FBXO42: variants seen among roughly 807,000 people sequenced by gnomAD.
FBXO42 encodes the protein F-box protein 42.
FBXO42 carries 12 observed loss-of-function variants against 71.7 expected under a neutral mutation model. That is an observed-to-expected ratio of 0.17 (90% CI 0.11 to 0.27). The LOEUF is 0.27. FBXO42 is among the 10% of genes least tolerant of loss of function. FBXO42 has a pLI of 1.00. For missense variants in FBXO42, 707 were observed against 911.9 expected (o/e 0.78, Z 2.89); for synonymous variants, 325 against 327.5 (o/e 0.99, Z 0.08).
intron 5 of FBXO42, 55 bp from the exon 6 acceptor site, chr1:16,255,876 A>C (rs916021769): frequency 7.9e-6 from 10 of 1,267,452 alleles, no homozygotes; most frequent in South Asian, 1.3e-5. Context: ...ACTTTATGTA[A>C]AAATAGTAAG....
intron 4 of FBXO42, among the ~76,000 whole-genome samples, chr1:16,258,081 A>G (rs2100438612): frequency 6.6e-6 from 1 of 152,220 alleles, no homozygotes; most frequent in South Asian, 2.1e-4. Context: ...TCCCAACACT[A>G]CATTAACCTG....
Position 16,251,275 on chromosome 1 carries a change from C to G in FBXO42, c.1549G>C (p.Gly517Arg), listed in dbSNP as rs537381863. Residue 517 changes from glycine (G) to arginine (R), a missense_variant, in exon 10 of 10, where the codon GGC becomes CGC. Physicochemically the swap from Gly to Arg is moderately radical, Grantham distance 125 (BLOSUM62 -2). This residue lies in a region of FBXO42 where 482 missense variants were observed against 587.1 expected (regional missense o/e 0.82). Transcript: ENST00000375592. The surrounding 1 kb of genome is among the most constrained non-coding windows in gnomAD (Gnocchi z 4.5). ...CCCCCAACTGTCCTATTGTCCATGCCATCCATGGGATTACTACTGGAAGCG... is the reference window on the plus strand; with the variant it reads ...CCCCCAACTGTCCTATTGTCCATGCGATCCATGGGATTACTACTGGAAGCG... ...KPASSSNPMD[G>R]MDNRTVGGSM... 6.2e-7 allele frequency: 1 copy of G among 1,614,190 alleles called. No individual in the cohort carries two copies. Among genetic ancestry groups the G allele is most frequent in the East Asian group, 2.2e-5 (1 of 44,878 alleles).
chr1:16,309,269 G>T lies in FBXO42; in HGVS notation c.251-3350C>A, dbSNP rs572010708. Among the ~76,000 whole-genome samples, 4 of 150,708 alleles carry T rather than the reference G, an allele frequency of 2.7e-5. No homozygotes were observed. The East Asian group carries it at 7.9e-4, about 30-fold the overall frequency. Reference sequence around the variant, plus strand: ...TCTTTTTGTATTTTTAGTAGAGATGGGGTTTCACCACGTTGGCCAGGATGG... The same window carrying T: ...TCTTTTTGTATTTTTAGTAGAGATGTGGTTTCACCACGTTGGCCAGGATGG... On this transcript the variant is annotated intron_variant, in intron 2 of 9. Transcript: ENST00000375592.
chr1:16,307,733 T>C (rs1257507564), intron 2 of FBXO42, among the ~76,000 whole-genome samples: 4 of 151,990 alleles, frequency 2.6e-5, no homozygotes, highest in Non-Finnish European at 5.9e-5. Context: ...TATAACAAAA[T>C]ACATACAAAA....
At chr1:16,350,103 A>C (rs1353047249) in intron 1 of FBXO42, among the ~76,000 whole-genome samples, 1 of 152,172 alleles carries the variant, frequency 6.6e-6, no homozygotes, top group East Asian at 1.9e-4. Context: ...GAAATCAGAC[A>C]AGAAGAAGCA....
chr1:16,316,276 C>G (rs1034198173), intron 1 of FBXO42, among the ~76,000 whole-genome samples: 6 of 151,968 alleles, frequency 3.9e-5, no homozygotes, highest in Admixed American at 2.6e-4. Flanking sequence ...AGAATACTTG[C>G]CAGCGGTGCC....
Position 16,256,632 on chromosome 1 carries a change from T to C in FBXO42, c.630A>G (p.Ile210Met). 1 of 1,614,186 alleles carries C rather than the reference T, an allele frequency of 6.2e-7. No individual in the cohort carries two copies. Among genetic ancestry groups the C allele is most frequent in the Non-Finnish European group, 8.5e-7 (1 of 1,180,008 alleles). The change falls in exon 5 of 10, where the codon ATA becomes ATG. Residue 210 changes from isoleucine to methionine, a missense_variant. By Grantham distance (10) the Ile-to-Met change is conservative (BLOSUM62 1). Transcript: ENST00000375592. ...AATTTTTAGAGGGTGAGTAAGTGTG[T>C]ATTTCATCAAAGAATCTCTCTGGCT... ...LHQPERFFDE[I>M]HTYSPSKNWW...
chr1:16,260,642 T>C (rs2081701485), intron 4 of FBXO42, among the ~76,000 whole-genome samples: 1 of 152,198 alleles, frequency 6.6e-6, no homozygotes, highest in Non-Finnish European at 1.5e-5. Context: ...TCCAAGGTCG[T>C]AGAACTAATA....
intron 4 of FBXO42, among the ~76,000 whole-genome samples, chr1:16,280,009 G>A (rs1205710997): frequency 6.6e-6 from 1 of 152,018 alleles, no homozygotes; most frequent in Non-Finnish European, 1.5e-5. Flanking sequence ...ACCACACCTA[G>A]CTAATTTTTG....
rs376146288 is a variant in FBXO42, at chr1:16,252,359, C to T, written c.967G>A (p.Ala323Thr). 1.2e-5 allele frequency: 19 copies of T among 1,614,106 alleles called. No individual in the cohort carries two copies. Among genetic ancestry groups the T allele is most frequent in the Non-Finnish European group, 1.5e-5 (18 of 1,180,018 alleles). Residue 323 changes from alanine (A) to threonine (T), a missense_variant, in exon 9 of 10, where the codon GCC becomes ACC. By Grantham distance (58) the Ala-to-Thr change is moderately conservative. Transcript: ENST00000375592. The surrounding 1 kb of genome is among the most constrained non-coding windows in gnomAD (Gnocchi z 4.4). ...TTTTCTACCTTGAGTGGCTGCCAGG[C>T]CCAAGGACCAGAATGCATGTGCAAC... ...WLLHMHSGPW[A>T]WQPLKVENEE...
chr1:16,298,480 C>T (rs1454475660), intron 3 of FBXO42, among the ~76,000 whole-genome samples: 1 of 152,054 alleles, frequency 6.6e-6, no homozygotes, highest in African/African-American at 2.4e-5. Flanking sequence ...TTCCAGACCT[C>T]CAGAAAAAGA....
chr1:16,348,153 C>T (rs2082669288), intron 1 of FBXO42, among the ~76,000 whole-genome samples: 1 of 152,138 alleles, frequency 6.6e-6, no homozygotes, highest in African/African-American at 2.4e-5. Context: ...AACACATCAC[C>T]TTCACTTTTC....
intron 2 of FBXO42, 119 bp downstream of exon 2, chr1:16,315,050 T>C: frequency 8.9e-7 from 1 of 1,122,938 alleles, no homozygotes; most frequent in South Asian, 1.7e-5. Context: ...TAGTATCGTC[T>C]AATGCTAGAT....
chr1:16,274,299 C>T (rs2081874867), intron 4 of FBXO42, among the ~76,000 whole-genome samples: 2 of 150,636 alleles, frequency 1.3e-5, no homozygotes, highest in Admixed American at 1.3e-4. Flanking sequence ...CAGAATGAAA[C>T]TTTGTCTCAA....
chr1:16,299,247 G>A (rs1294343559), intron 3 of FBXO42, among the ~76,000 whole-genome samples: 3 of 150,620 alleles, frequency 2.0e-5, no homozygotes, highest in Non-Finnish European at 4.4e-5. Context: ...TCCTGACCTC[G>A]TGATCCGCCC....
chr1:16,296,000 T>G (rs1240297316), intron 3 of FBXO42, among the ~76,000 whole-genome samples: 2 of 152,222 alleles, frequency 1.3e-5, no homozygotes, highest in Non-Finnish European at 2.9e-5. Context: ...TTTGATTAGA[T>G]GATTGTATAC....
Position 16,348,615 on chromosome 1 carries a change from C to T in FBXO42, c.-18+3640G>A, listed in dbSNP as rs143069546. ...ACTCGGGAGGCTGAGGCAGGAGAAT[C>T]GCTGGAACCCGGGAGGTAGAGGTTA... On this transcript the variant is annotated intron_variant, in intron 1 of 9. Transcript: ENST00000375592. 7.8e-4 allele frequency among the ~76,000 whole-genome samples: 119 copies of T among 152,086 alleles called. 3 individuals carry two copies. The East Asian group carries it at 0.021, about 27-fold the overall frequency.
At chr1:16,336,037 A>G (rs894427169) in intron 1 of FBXO42, among the ~76,000 whole-genome samples, 46 of 151,604 alleles carry the variant, frequency 3.0e-4, no homozygotes, top group African/African-American at 1.1e-3. Context: ...TCCTGGGTTC[A>G]AGCGATTCTC....
At chr1:16,320,697 G>A (rs1254915948) in intron 1 of FBXO42, among the ~76,000 whole-genome samples, 1 of 149,896 alleles carries the variant, frequency 6.7e-6, no homozygotes, top group Non-Finnish European at 1.5e-5. Flanking sequence ...CTCGCTCTGT[G>A]CCCCAGACTG....
Sources: allele counts gnomAD v4.1 joint callset (sites outside exome capture counted in the v4.1 genomes callset), GRCh38; gene constraint gnomAD v4.1.1; regional missense constraint gnomAD v4.1.1; non-coding constraint Gnocchi (gnomAD v3.1); transcripts MANE v1.5; gene names NCBI Gene and HGNC (gene_info 2026-07-23, HGNC 2026-07-21).